The following KMT5B variants were observed in gnomAD, a reference collection of about 807,000 sequenced individuals.
KMT5B encodes the protein lysine methyltransferase 5B.
Under a neutral mutation model 83.2 loss-of-function variants are expected in KMT5B, and 10 were observed. That is an observed-to-expected ratio of 0.12 (90% CI 0.07 to 0.20). KMT5B has a LOEUF of 0.20. KMT5B is among the 10% of genes least tolerant of loss of function. The pLI is 1.00. For missense variants in KMT5B, 753 were observed against 1,067.2 expected, an observed-to-expected ratio of 0.71 and a Z score of 4.10; for synonymous variants, 349 against 388.8, an observed-to-expected ratio of 0.90 and a Z score of 1.20.
intron 9 of KMT5B, among the ~76,000 whole-genome samples, chr11:68,168,333 T>C (rs1427568685): frequency 6.6e-6 from 1 of 151,852 alleles, no homozygotes; most frequent in Non-Finnish European, 1.5e-5. Context: ...TTTTTGTTAT[T>C]AGAATTTTTT....
At chr11:68,212,922 C>T (rs1002288926) in intron 1 of KMT5B, among the ~76,000 whole-genome samples, 1 of 146,424 alleles carries the variant, frequency 6.8e-6, no homozygotes, top group African/African-American at 2.5e-5. Flanking sequence ...CTTCCGGCCG[C>T]GGCCACCACT....
At chr11:68,198,170 G>T (rs1858946599) in intron 1 of KMT5B, among the ~76,000 whole-genome samples, 1 of 152,178 alleles carries the variant, frequency 6.6e-6, no homozygotes, top group Admixed American at 6.5e-5. Flanking sequence ...GATCACCTGA[G>T]GTCAGGAGTT....
In KMT5B at chr11:68,157,660, T is replaced by G; in HGVS notation, c.*28A>C. On this transcript the variant is annotated 3_prime_UTR_variant, in exon 11 of 11. Coordinates refer to ENST00000304363, the MANE Select transcript of KMT5B (RefSeq NM_017635.5). Reference sequence around the variant, plus strand: ...GAATTTTTTATTTCTTTAAAGTAGTTATCCCAGGTCAAGTTAAGACCAAGA... The same window carrying G: ...GAATTTTTTATTTCTTTAAAGTAGTGATCCCAGGTCAAGTTAAGACCAAGA... The G allele has an allele frequency of 6.6e-7, 1 of 1,510,198 alleles. No individual in the cohort carries two copies. Among genetic ancestry groups the G allele is most frequent in the Non-Finnish European group, 8.8e-7 (1 of 1,132,898 alleles). 93.5% of individuals were successfully genotyped at this position (1,510,198 alleles called of 1,614,324 possible). A position where few individuals can be genotyped will look rare whatever the true frequency, so the allele number is the denominator to read the frequency against.
At chr11:68,196,014 A>G (rs947883423) in intron 1 of KMT5B, among the ~76,000 whole-genome samples, 1 of 152,068 alleles carries the variant, frequency 6.6e-6, no homozygotes, top group African/African-American at 2.4e-5. Flanking sequence ...AAAATTAGCT[A>G]GGTGTGGTGG....
intron 1 of KMT5B, among the ~76,000 whole-genome samples, chr11:68,192,376 G>C (rs995578143): frequency 6.6e-6 from 1 of 152,178 alleles, no homozygotes; most frequent in African/African-American, 2.4e-5. Flanking sequence ...AGTGCCCCCA[G>C]ACTGGCCAGA....
intron 2 of KMT5B, among the ~76,000 whole-genome samples, chr11:68,187,446 A>C (rs1425954521): frequency 6.6e-6 from 1 of 152,042 alleles, no homozygotes; most frequent in Non-Finnish European, 1.5e-5. Context: ...TCTTTGACCC[A>C]CTGATTATTT....
At chr11:68,160,590 G>A (rs903227271) in intron 10 of KMT5B, among the ~76,000 whole-genome samples, 1 of 152,140 alleles carries the variant, frequency 6.6e-6, no homozygotes, top group African/African-American at 2.4e-5. Flanking sequence ...ACATGCCTCA[G>A]GTTGCCAGGG....
At chr11:68,187,384 A>T (rs959756133) in intron 2 of KMT5B, among the ~76,000 whole-genome samples, 5 of 152,126 alleles carry the variant, frequency 3.3e-5, no homozygotes, top group African/African-American at 1.2e-4. Context: ...AGTATGTTTT[A>T]TCTTTCTTTT....
intron 3 of KMT5B, among the ~76,000 whole-genome samples, chr11:68,182,304 A>G (rs1284283263): frequency 6.6e-6 from 1 of 152,188 alleles, no homozygotes; most frequent in African/African-American, 2.4e-5. Flanking sequence ...AGCTATTCCA[A>G]GTGTAGTCTG....
rs1352202022 is a variant in KMT5B at position 68,158,347 on chromosome 11, C to G, written c.1999G>C (p.Asp667His). ...GTVGVPVSYT[D>H]CAPSPVGCSV... ...CAACCGACGGGTGAAGGAGCACAGT[C>G]TGTGTAGCTCACAGGCACGCCCACA... Residue 667 changes from aspartate (D) to histidine (H), a missense_variant, in exon 11 of 11, where the codon GAC becomes CAC. Asp to His is a moderately conservative substitution (Grantham distance 81). This residue lies in a region of KMT5B where 397 missense variants were observed against 395.9 expected (regional missense o/e 1.00). Transcript: ENST00000304363. 1 of 1,614,196 alleles carries G rather than the reference C, an allele frequency of 6.2e-7. No individual in the cohort carries two copies. The highest frequency in any genetic ancestry group is 1.1e-5 in the South Asian group (1 of 91,092).
chr11:68,155,607 A>G lies in KMT5B; in HGVS notation c.*2081T>C, dbSNP rs1174777633. On this transcript the variant is annotated 3_prime_UTR_variant, in exon 11 of 11. Coordinates refer to ENST00000304363, the MANE Select transcript of KMT5B (RefSeq NM_017635.5). ...CACCCCAAACTAAGGTGGGAATACA[A>G]GAGGTGACCCGCTGCCCTCCAGCAC... 6.6e-6 allele frequency: 1 copy of G among 152,214 alleles called. No individual in the cohort carries two copies. Among genetic ancestry groups the G allele is most frequent in the Non-Finnish European group, 1.5e-5 (1 of 68,042 alleles). The allele number at this position is 152,214 out of a possible 1,614,324, so 9.4% of individuals were successfully genotyped here. A position where few individuals can be genotyped will look rare whatever the true frequency, so the allele number is the denominator to read the frequency against.
intron 1 of KMT5B, among the ~76,000 whole-genome samples, chr11:68,193,652 A>C (rs997038657): frequency 3.3e-5 from 5 of 152,168 alleles, no homozygotes; most frequent in Non-Finnish European, 1.5e-5. Flanking sequence ...CATAGGTTTC[A>C]CTAAACAGTC....
intron 1 of KMT5B, among the ~76,000 whole-genome samples, chr11:68,206,057 A>T (rs1304578239): frequency 6.6e-6 from 1 of 152,216 alleles, no homozygotes; most frequent in Admixed American, 6.5e-5. Flanking sequence ...ACGACGAGGG[A>T]TGTCATGTAA....
intron 1 of KMT5B, among the ~76,000 whole-genome samples, chr11:68,203,317 T>C (rs1253798716): frequency 6.6e-6 from 1 of 152,198 alleles, no homozygotes; most frequent in Non-Finnish European, 1.5e-5. Context: ...AGACCAGACA[T>C]AGGTCCATTC....
chr11:68,187,186 T>G (rs532107041), intron 2 of KMT5B, among the ~76,000 whole-genome samples: 1 of 150,066 alleles, frequency 6.7e-6, no homozygotes, highest in Non-Finnish European at 1.5e-5. Context: ...TTTGTAAAAG[T>G]GGGGTCTCGC....
intron 1 of KMT5B, among the ~76,000 whole-genome samples, chr11:68,195,764 T>C (rs1453928416): frequency 2.6e-5 from 4 of 152,222 alleles, no homozygotes; most frequent in Admixed American, 6.5e-5. Flanking sequence ...TTTTTTTAAA[T>C]GAAAGAACAC....
chr11:68,177,384 A>T (rs1263254690), intron 4 of KMT5B, among the ~76,000 whole-genome samples: 2 of 152,232 alleles, frequency 1.3e-5, no homozygotes, highest in Non-Finnish European at 2.9e-5. Context: ...TCTAAGCAGA[A>T]GATCTTAATC....
At chr11:68,204,454 G>A (rs1859824422) in intron 1 of KMT5B, among the ~76,000 whole-genome samples, 1 of 152,156 alleles carries the variant, frequency 6.6e-6, no homozygotes, top group Admixed American at 6.6e-5. Context: ...GCAGACTGGA[G>A]TGATGTGGCC....
chr11:68,169,751 AACTGTTAT>A (rs1405470174), intron 9 of KMT5B, among the ~76,000 whole-genome samples: 1 of 152,226 alleles, frequency 6.6e-6, no homozygotes, highest in Non-Finnish European at 1.5e-5. Flanking sequence ...ATAGGCACTT[AACTGTTAT>A]ACTGTTTCCT....
Sources: allele counts gnomAD v4.1 joint callset (sites outside exome capture counted in the v4.1 genomes callset), GRCh38; gene constraint gnomAD v4.1.1; regional missense constraint gnomAD v4.1.1; transcripts MANE v1.5; gene names NCBI Gene and HGNC (gene_info 2026-07-23, HGNC 2026-07-21).